ATG10: variants seen among roughly 807,000 people sequenced by gnomAD.
ATG10 encodes the protein ubiquitin-like-conjugating enzyme ATG10.
ATG10 carries 30 observed loss-of-function variants against 32.1 expected under a neutral mutation model. The observed-to-expected ratio is 0.94, with a 90% CI of 0.70 to 1.27. The LOEUF (loss-of-function observed/expected upper bound fraction) is 1.27. Ranked by LOEUF, ATG10 falls within the 50% of genes most tolerant of loss-of-function variation. The pLI is 0.00. For synonymous variants in ATG10, 87 were observed against 91.5 expected, an observed-to-expected ratio of 0.95 and a Z score of 0.28; for missense variants, 233 against 262.3, an observed-to-expected ratio of 0.89 and a Z score of 0.77.
At chr5:82,140,161 GC>G in intron 3 of ATG10, among the ~76,000 whole-genome samples, 1 of 105,268 alleles carries the variant, frequency 9.5e-6, no homozygotes, top group African/African-American at 3.8e-5. Context: ...GAGCCCCTCT[GC>G]CCGGCCAGCC....
intron 2 of ATG10, among the ~76,000 whole-genome samples, chr5:81,993,575 G>A (rs1353321573): frequency 6.6e-6 from 1 of 150,616 alleles, no homozygotes; most frequent in African/African-American, 2.4e-5. Flanking sequence ...TTACAGGTGC[G>A]CACCACCAGT....
intron 5 of ATG10, among the ~76,000 whole-genome samples, chr5:82,206,370 G>C (rs959634298): frequency 6.6e-6 from 1 of 152,054 alleles, no homozygotes; most frequent in African/African-American, 2.4e-5. Flanking sequence ...ACTTCTCACC[G>C]GGCGCGGTGG....
intron 2 of ATG10, among the ~76,000 whole-genome samples, chr5:82,049,917 G>T (rs1353572806): frequency 4.0e-5 from 6 of 151,730 alleles, no homozygotes; most frequent in Non-Finnish European, 8.8e-5. Context: ...TCATGGATTG[G>T]GTTTTTATTT....
chr5:82,123,911 G>C (rs1766146325), intron 3 of ATG10, among the ~76,000 whole-genome samples: 1 of 151,954 alleles, frequency 6.6e-6, no homozygotes. Context: ...ACTCCAGCCT[G>C]GGTGACAGAG....
chr5:82,108,022 A>T (rs2149810869), intron 3 of ATG10, among the ~76,000 whole-genome samples: 1 of 152,134 alleles, frequency 6.6e-6, no homozygotes. Flanking sequence ...GGGGTTATGT[A>T]CTGGGAGGTG....
chr5:82,110,538 C>A (rs1384247905), intron 3 of ATG10, among the ~76,000 whole-genome samples: 1 of 152,164 alleles, frequency 6.6e-6, no homozygotes, highest in Non-Finnish European at 1.5e-5. Context: ...ATTTGCATTT[C>A]TCTGATGACC....
chr5:82,032,641 C>G (rs1163717115), intron 2 of ATG10, among the ~76,000 whole-genome samples: 1 of 151,752 alleles, frequency 6.6e-6, no homozygotes, highest in Non-Finnish European at 1.5e-5. Context: ...CACCTTTCAC[C>G]CTGTCTGCTA....
chr5:81,993,360 C>CTTTCTTTCTTTCCTTCTTTCTT, intron 2 of ATG10, among the ~76,000 whole-genome samples: 6 of 46,796 alleles, frequency 1.3e-4, no homozygotes, highest in African/African-American at 2.7e-4. Flanking sequence ...TCTTTCTTTC[C>CTTTCTTTCTTTCCTTCTTTCTT]TTCTTTTCTT....
intron 3 of ATG10, chr5:82,073,726 G>C (rs1050846815): frequency 3.9e-5 from 6 of 152,182 alleles, no homozygotes; most frequent in African/African-American, 1.4e-4. Flanking sequence ...GCTTCATTAA[G>C]TTTAATTTGC....
intron 3 of ATG10, among the ~76,000 whole-genome samples, chr5:82,114,200 C>T (rs1561305103): frequency 6.6e-6 from 1 of 151,956 alleles, no homozygotes; most frequent in Non-Finnish European, 1.5e-5. Context: ...GACTTACTTA[C>T]AAATATCTTA....
chr5:82,100,567 A>G (rs1349056667), intron 3 of ATG10, among the ~76,000 whole-genome samples: 2 of 152,078 alleles, frequency 1.3e-5, no homozygotes, highest in Admixed American at 6.6e-5. Context: ...TTGAACTAGC[A>G]TCCCCAGAGC....
chr5:82,152,554 G>A (rs1380930153), intron 3 of ATG10, among the ~76,000 whole-genome samples: 1 of 152,176 alleles, frequency 6.6e-6, no homozygotes, highest in East Asian at 1.9e-4. Context: ...GAGCCAAATA[G>A]GCAAGAAGCT....
chr5:82,173,589 G>T (rs576146270), intron 4 of ATG10, among the ~76,000 whole-genome samples: 3 of 152,176 alleles, frequency 2.0e-5, no homozygotes, highest in African/African-American at 7.2e-5. Context: ...AATTTACCAT[G>T]CTCACTATGT....
At chr5:82,231,769 C>T (rs1412128319) in intron 5 of ATG10, among the ~76,000 whole-genome samples, 1 of 151,948 alleles carries the variant, frequency 6.6e-6, no homozygotes, top group Non-Finnish European at 1.5e-5. Context: ...AAATCTGCTT[C>T]TGGGTATAAA....
At chr5:82,066,615 AT>A (rs1157652706) in intron 3 of ATG10, among the ~76,000 whole-genome samples, 1 of 152,168 alleles carries the variant, frequency 6.6e-6, no homozygotes, top group Non-Finnish European at 1.5e-5. Flanking sequence ...CCTATCATAA[AT>A]TTCCTGAAGC....
chr5:82,171,321 A>C (rs1292432860), intron 4 of ATG10, among the ~76,000 whole-genome samples: 2 of 152,240 alleles, frequency 1.3e-5, no homozygotes, highest in Non-Finnish European at 2.9e-5. Context: ...TTTCTCATGT[A>C]ATTAAAAACC....
At chr5:82,159,272 C>A (rs983374761) in intron 3 of ATG10, among the ~76,000 whole-genome samples, 3 of 152,160 alleles carry the variant, frequency 2.0e-5, no homozygotes, top group African/African-American at 7.2e-5. Flanking sequence ...TCACACTACT[C>A]TGAATGGCGC....
At chr5:82,215,370 A>G (rs550008225) in intron 5 of ATG10, among the ~76,000 whole-genome samples, 24 of 152,308 alleles carry the variant, frequency 1.6e-4, no homozygotes, top group Middle Eastern at 3.4e-3. Context: ...GCTTCCCATC[A>G]CTTTAGCCAT....
chr5:82,124,519 A>G (rs1193996320), intron 3 of ATG10, among the ~76,000 whole-genome samples: 1 of 150,398 alleles, frequency 6.6e-6, no homozygotes, highest in African/African-American at 2.5e-5. Flanking sequence ...TGATTGTTCA[A>G]CTCTCATTTA....
Sources: allele counts gnomAD v4.1 joint callset (sites outside exome capture counted in the v4.1 genomes callset), GRCh38; gene constraint gnomAD v4.1.1; transcripts MANE v1.5; gene names NCBI Gene and HGNC (gene_info 2026-07-23, HGNC 2026-07-21).